Variants in MAPKAP1 observed in about 807,000 individuals in gnomAD.
MAPKAP1 encodes target of rapamycin complex 2 subunit MAPKAP1.
In MAPKAP1, 20 loss-of-function variants were observed where a neutral mutation model predicts 65.7. That is an observed-to-expected ratio of 0.30 (90% CI 0.21 to 0.44). The LOEUF (loss-of-function observed/expected upper bound fraction) is 0.44, where lower values mean the gene tolerates loss of function less well. Among genes scored for constraint, MAPKAP1 ranks in the 20% least tolerant of loss-of-function variants. The probability of loss-of-function intolerance (pLI) is 1.00; values close to 1 mark genes in which losing one functional copy is unlikely to be tolerated. For missense variants in MAPKAP1, 423 were observed against 648.0 expected (o/e 0.65, Z 3.77); for synonymous variants, 222 against 244.3 (o/e 0.91, Z 0.85).
At chr9:125,491,907 T>C (rs910445173) in intron 8 of MAPKAP1, among the ~76,000 whole-genome samples, 5 of 151,936 alleles carry the variant, frequency 3.3e-5, no homozygotes, top group Non-Finnish European at 1.5e-5. Context: ...AAACAAAAGC[T>C]TGGCCAGGTG....
At chr9:125,514,590 A>G (rs1329116472) in intron 7 of MAPKAP1, among the ~76,000 whole-genome samples, 1 of 152,224 alleles carries the variant, frequency 6.6e-6, no homozygotes. Context: ...CTAATCTTAA[A>G]TGCTGCCTAT....
At chr9:125,554,794 C>CCA (rs1491362972) in intron 6 of MAPKAP1, among the ~76,000 whole-genome samples, 16 of 65,632 alleles carry the variant, frequency 2.4e-4, no homozygotes, top group African/African-American at 7.7e-4. Context: ...AGACACTTAT[C>CCA]AAAAAAAAAA....
intron 7 of MAPKAP1, among the ~76,000 whole-genome samples, chr9:125,535,659 A>G (rs1830054178): frequency 6.6e-6 from 1 of 152,192 alleles, no homozygotes; most frequent in African/African-American, 2.4e-5. Context: ...ACTCATATAC[A>G]CTTTCCAGAA....
chr9:125,637,020 G>A (rs1446773094), intron 4 of MAPKAP1, among the ~76,000 whole-genome samples: 2 of 152,160 alleles, frequency 1.3e-5, no homozygotes, highest in Admixed American at 1.3e-4. Context: ...TGTAATCCCA[G>A]CATTTTGGGA....
intron 6 of MAPKAP1, among the ~76,000 whole-genome samples, chr9:125,544,547 C>T (rs1158293913): frequency 6.6e-6 from 1 of 152,164 alleles, no homozygotes; most frequent in Non-Finnish European, 1.5e-5. Context: ...TATAACTTCA[C>T]CAAGACTGTT....
At chr9:125,663,853 C>T (rs960819623) in intron 3 of MAPKAP1, among the ~76,000 whole-genome samples, 1 of 151,788 alleles carries the variant, frequency 6.6e-6, no homozygotes, top group Admixed American at 6.6e-5. Flanking sequence ...AAAGTCCTGA[C>T]GAATATAAAC....
intron 4 of MAPKAP1, among the ~76,000 whole-genome samples, chr9:125,612,842 G>A (rs1832641994): frequency 6.6e-6 from 1 of 152,194 alleles, no homozygotes; most frequent in Non-Finnish European, 1.5e-5. Context: ...CTCATCAAAA[G>A]AACATGAGGC....
chr9:125,511,168 C>T (rs182226288), intron 7 of MAPKAP1, among the ~76,000 whole-genome samples: 7 of 41,378 alleles, frequency 1.7e-4, no homozygotes, highest in Admixed American at 4.8e-4. Flanking sequence ...TCATCACCAT[C>T]ATCATCATCA....
chr9:125,621,800 T>G (rs553763661), intron 4 of MAPKAP1, among the ~76,000 whole-genome samples: 1 of 152,322 alleles, frequency 6.6e-6, no homozygotes, highest in South Asian at 2.1e-4. Flanking sequence ...ATTTAATAAT[T>G]TGAACATATT....
intron 1 of MAPKAP1, among the ~76,000 whole-genome samples, chr9:125,673,836 T>C (rs764282251): frequency 7.9e-5 from 12 of 152,050 alleles, no homozygotes; most frequent in Non-Finnish European, 1.5e-4. Context: ...TAGCTACTCA[T>C]GAGGCTGAAG....
chr9:125,555,557 G>A (rs1352389116), intron 6 of MAPKAP1, among the ~76,000 whole-genome samples: 1 of 152,196 alleles, frequency 6.6e-6, no homozygotes, highest in South Asian at 2.1e-4. Flanking sequence ...GGCAGGAACG[G>A]GTGTAAAAAA....
intron 4 of MAPKAP1, among the ~76,000 whole-genome samples, chr9:125,642,512 A>C (rs1203230152): frequency 6.6e-6 from 1 of 152,180 alleles, no homozygotes; most frequent in African/African-American, 2.4e-5. Context: ...ACCACATTAT[A>C]TGCTCATTAA....
intron 4 of MAPKAP1, among the ~76,000 whole-genome samples, chr9:125,619,902 A>C (rs1832848862): frequency 2.0e-5 from 3 of 152,208 alleles, no homozygotes; most frequent in African/African-American, 7.2e-5. Context: ...AATCTTAGAA[A>C]ATAAGAAAAA....
intron 5 of MAPKAP1, among the ~76,000 whole-genome samples, chr9:125,560,765 G>A (rs146913897): frequency 6.6e-6 from 1 of 152,256 alleles, no homozygotes; most frequent in African/African-American, 2.4e-5. Context: ...GACTGGATTA[G>A]TCCTGACACA....
At chr9:125,550,135 A>G (rs547408204) in intron 6 of MAPKAP1, among the ~76,000 whole-genome samples, 1 of 152,340 alleles carries the variant, frequency 6.6e-6, no homozygotes, top group South Asian at 2.1e-4. Context: ...AACATCTGAG[A>G]ATGTATTCAC....
rs758050323 is a variant in MAPKAP1 at position 125,543,085 on chromosome 9, C to T, written c.932G>A (p.Arg311Gln). 10 of 1,613,446 alleles carry T rather than the reference C, an allele frequency of 6.2e-6. No homozygotes were observed. Among genetic ancestry groups the T allele is most frequent in the South Asian group, 1.1e-5 (1 of 91,062 alleles). ...TGAAACTTTCTGGGATCCTTTTCTT[C>T]GCTTCACTGCCTTCAGTAAGATTTC... Reference protein sequence around the residue: ...MKEILLKAVKRRKGSQKVSGP... With the variant: ...MKEILLKAVKQRKGSQKVSGP... The change falls in exon 7 of 12, where the codon CGA becomes CAA. Residue 311 changes from arginine (R) to glutamine (Q), a missense_variant. Arg to Gln is a conservative substitution (Grantham distance 43, BLOSUM62 1). Transcript: ENST00000265960.
intron 7 of MAPKAP1, among the ~76,000 whole-genome samples, chr9:125,542,189 G>A (rs1279649353): frequency 1.3e-5 from 2 of 152,136 alleles, no homozygotes; most frequent in Non-Finnish European, 2.9e-5. Flanking sequence ...GTCCTTCACT[G>A]TGTTATCTCT....
At chr9:125,615,987 C>T (rs751348968) in intron 4 of MAPKAP1, among the ~76,000 whole-genome samples, 40 of 150,950 alleles carry the variant, frequency 2.6e-4, no homozygotes, top group African/African-American at 3.9e-4. Flanking sequence ...CCAGAAATTG[C>T]TTTACATTTA....
intron 6 of MAPKAP1, among the ~76,000 whole-genome samples, chr9:125,551,521 G>T (rs1011086577): frequency 2.0e-5 from 3 of 152,112 alleles, no homozygotes; most frequent in Non-Finnish European, 4.4e-5. Context: ...CTCTTGGTTA[G>T]AACTGTTCCT....
Sources: allele counts gnomAD v4.1 joint callset (sites outside exome capture counted in the v4.1 genomes callset), GRCh38; gene constraint gnomAD v4.1.1; transcripts MANE v1.5; gene names NCBI Gene and HGNC (gene_info 2026-07-23, HGNC 2026-07-21).